Variants in PTPRT observed in about 807,000 individuals in gnomAD.
The protein encoded by PTPRT is receptor-type tyrosine-protein phosphatase T.
PTPRT carries 56 observed loss-of-function variants against 176.8 expected under a neutral mutation model. That is an observed-to-expected ratio of 0.32 (90% confidence interval 0.26 to 0.40). The LOEUF (loss-of-function observed/expected upper bound fraction) is 0.40. Among genes scored for constraint, PTPRT ranks in the 10% least tolerant of loss-of-function variants. The pLI, the probability that PTPRT is intolerant of heterozygous loss-of-function variation, is 1.00. For missense variants in PTPRT, 1,540 were observed against 1,908.2 expected (o/e 0.81, Z 3.60); for synonymous variants, 783 against 739.0 (o/e 1.06, Z -0.96).
chr20:42,613,687 GAC>G (rs1249337354), intron 7 of PTPRT, among the ~76,000 whole-genome samples: 4 of 152,198 alleles, frequency 2.6e-5, no homozygotes, highest in Non-Finnish European at 5.9e-5. Flanking sequence ...CTTCCCAAGA[GAC>G]AGATTCTATG....
intron 1 of PTPRT, among the ~76,000 whole-genome samples, chr20:43,102,130 C>T (rs549430817): frequency 2.4e-4 from 37 of 152,216 alleles, no homozygotes; most frequent in African/African-American, 8.7e-4. Context: ...AGCTTCACCG[C>T]CTCATATCAT....
At chr20:42,223,160 T>G (rs2055924211) in intron 15 of PTPRT, among the ~76,000 whole-genome samples, 1 of 152,190 alleles carries the variant, frequency 6.6e-6, no homozygotes, top group South Asian at 2.1e-4. Context: ...CTTGGTAAAC[T>G]GCAAAACAGC....
chr20:42,580,646 A>AT (rs1006393713), intron 7 of PTPRT, among the ~76,000 whole-genome samples: 46 of 151,974 alleles, frequency 3.0e-4, no homozygotes, highest in Admixed American at 8.5e-4. Context: ...ATTCCTAGGT[A>AT]TTTTATTCTC....
intron 7 of PTPRT, among the ~76,000 whole-genome samples, chr20:42,476,411 A>T (rs1290801709): frequency 3.9e-5 from 6 of 152,190 alleles, no homozygotes. Flanking sequence ...TCAAAATACA[A>T]CAAAGACCTT....
intron 13 of PTPRT, among the ~76,000 whole-genome samples, chr20:42,254,052 T>C (rs2056594639): frequency 6.6e-6 from 1 of 152,152 alleles, no homozygotes; most frequent in Non-Finnish European, 1.5e-5. Flanking sequence ...CCTCCCTCAA[T>C]ATTAGCTCCA....
chr20:42,303,087 A>T (rs1051844749), intron 12 of PTPRT, among the ~76,000 whole-genome samples: 39 of 152,140 alleles, frequency 2.6e-4, no homozygotes, highest in African/African-American at 8.9e-4. Context: ...TAGACTTTCT[A>T]TTAGGAGCTG....
chr20:42,972,676 C>CAAA (rs33947245), intron 1 of PTPRT, among the ~76,000 whole-genome samples: 218 of 77,536 alleles, frequency 2.8e-3, no homozygotes, highest in African/African-American at 6.0e-3. Context: ...TCTCAAAAAG[C>CAAA]AAAAAAAAAA....
At chr20:42,857,720 GC>G (rs2078590275) in intron 2 of PTPRT, among the ~76,000 whole-genome samples, 1 of 152,140 alleles carries the variant, frequency 6.6e-6, no homozygotes, top group Admixed American at 6.5e-5. Context: ...CAAATCATAG[GC>G]TGGCTCCTGA....
chr20:42,499,312 A>C lies in PTPRT; in HGVS notation c.1154-26750T>G, dbSNP rs1311653262. Reference sequence around the variant, plus strand: ...ATAAACTTTTTTTTTTTTTTTTGAGACAGAGTTTTGCTCTTGTCACCCAGG... The same window carrying C: ...ATAAACTTTTTTTTTTTTTTTTGAGCCAGAGTTTTGCTCTTGTCACCCAGG... On this transcript the variant is annotated intron_variant, in intron 7 of 30. Coordinates refer to ENST00000373187, the MANE Select transcript of PTPRT (RefSeq NM_007050.6). Among the ~76,000 whole-genome samples the C allele has an allele frequency of 2.7e-5, 4 of 146,820 alleles. No homozygotes were observed. The South Asian group carries it at 6.5e-4, about 24-fold the overall frequency.
intron 1 of PTPRT, among the ~76,000 whole-genome samples, chr20:42,937,350 CGTGTGCCT>C (rs1568689073): frequency 6.6e-6 from 1 of 152,144 alleles, no homozygotes; most frequent in East Asian, 1.9e-4. Flanking sequence ...ATCTTTCCCA[CGTGTGCCT>C]GTGTTTCTCT....
intron 7 of PTPRT, among the ~76,000 whole-genome samples, chr20:42,615,456 A>G (rs542990435): frequency 7.2e-6 from 1 of 138,856 alleles, no homozygotes; most frequent in South Asian, 2.2e-4. Flanking sequence ...ATACCCAGTA[A>G]TGGGATGGCT....
rs1003465566 is a variant in PTPRT, at chr20:42,617,228, T to C, written c.1153+60638A>G. On this transcript the variant is annotated intron_variant, in intron 7 of 30. Coordinates refer to ENST00000373187, the MANE Select transcript of PTPRT (RefSeq NM_007050.6). ...GTTTTTGTCTTTGGCTCTGTTTATA[T>C]GCTGGATTACATTTATTGATTTGCG... 1.2e-4 allele frequency among the ~76,000 whole-genome samples: 16 copies of C among 136,382 alleles called. 3 individuals carry two copies. The highest frequency in any genetic ancestry group is 4.9e-4 in the African/African-American group (15 of 30,600). The allele number at this position is 136,382 out of a possible 152,430, so 89.5% of individuals were successfully genotyped here. A position where few individuals can be genotyped will look rare whatever the true frequency, so the allele number is the denominator to read the frequency against.
At chr20:42,639,676 C>T (rs2074693329) in intron 7 of PTPRT, among the ~76,000 whole-genome samples, 1 of 152,156 alleles carries the variant, frequency 6.6e-6, no homozygotes, top group Middle Eastern at 3.2e-3. Context: ...TTTTTCTCTT[C>T]TTGATGTCCC....
intron 1 of PTPRT, among the ~76,000 whole-genome samples, chr20:42,905,909 G>T (rs2079470335): frequency 6.8e-6 from 1 of 147,498 alleles, no homozygotes; most frequent in East Asian, 2.0e-4. Context: ...ACACACTGGG[G>T]CCTGTCGGGG....
intron 9 of PTPRT, among the ~76,000 whole-genome samples, chr20:42,366,106 C>T (rs1411953765): frequency 1.3e-5 from 2 of 152,240 alleles, no homozygotes; most frequent in African/African-American, 4.8e-5. Flanking sequence ...CTGGCCACAA[C>T]TCAGCCCAGG....
chr20:42,116,012 C>T, intron 21 of PTPRT: 1 of 717,802 alleles, frequency 1.4e-6, no homozygotes, highest in Non-Finnish European at 2.6e-6. Context: ...CATGGTTTTC[C>T]CCTTAAAAGA....
At chr20:42,972,624 C>T (rs746789870) in intron 1 of PTPRT, among the ~76,000 whole-genome samples, 8 of 131,048 alleles carry the variant, frequency 6.1e-5, no homozygotes, top group East Asian at 5.2e-4. Context: ...GATCACGGAT[C>T]GTGTCCCTGC....
intron 6 of PTPRT, among the ~76,000 whole-genome samples, chr20:42,716,219 C>CA (rs1473745970): frequency 6.6e-6 from 1 of 151,850 alleles, no homozygotes; most frequent in Non-Finnish European, 1.5e-5. Context: ...GACATGTGAG[C>CA]AAAAAAATAA....
At chr20:43,188,071 G>C (rs1468440384) in intron 1 of PTPRT, among the ~76,000 whole-genome samples, 1 of 152,150 alleles carries the variant, frequency 6.6e-6, no homozygotes, top group Non-Finnish European at 1.5e-5. Flanking sequence ...GAACGTGAGT[G>C]GTATTAATGT....
Sources: allele counts gnomAD v4.1 joint callset (sites outside exome capture counted in the v4.1 genomes callset), GRCh38; gene constraint gnomAD v4.1.1; transcripts MANE v1.5; gene names NCBI Gene and HGNC (gene_info 2026-07-23, HGNC 2026-07-21).